BRD10: variants seen among roughly 807,000 people sequenced by gnomAD.
The protein encoded by BRD10 is uncharacterized bromodomain-containing protein 10.
the BRD10 span, among the ~76,000 whole-genome samples, chr9:5,925,655 T>C: frequency 4.7e-4 from 72 of 152,272 alleles, 1 homozygote; most frequent in South Asian, 5.6e-3. Flanking sequence ...CTGGGAGTAA[T>C]TGTATCTAAA....
the BRD10 span, among the ~76,000 whole-genome samples, chr9:5,926,917 G>A: frequency 3.9e-5 from 6 of 152,058 alleles, no homozygotes; most frequent in African/African-American, 9.7e-5. Flanking sequence ...CTCTCAGTAC[G>A]TGTGGCACAT....
chr9:5,907,003 G>GT, the BRD10 span: 1 of 1,557,036 alleles, frequency 6.4e-7, no homozygotes, highest in Non-Finnish European at 8.7e-7. Flanking sequence ...CCTGTGGTAG[G>GT]TTAAGATCCT....
At chr9:5,925,947 T>G in the BRD10 span, among the ~76,000 whole-genome samples, 1 of 152,192 alleles carries the variant, frequency 6.6e-6, no homozygotes, top group Non-Finnish European at 1.5e-5. Flanking sequence ...CTCCTTCGTC[T>G]TGCTCTGTCA....
At chr9:5,976,775 A>C in the BRD10 span, among the ~76,000 whole-genome samples, 1 of 137,560 alleles carries the variant, frequency 7.3e-6, no homozygotes, top group African/African-American at 2.8e-5. Flanking sequence ...AAAGGACAGC[A>C]AAAAAAAAAA....
the BRD10 span, among the ~76,000 whole-genome samples, chr9:5,952,412 A>T: frequency 2.8e-4 from 43 of 152,354 alleles, no homozygotes; most frequent in African/African-American, 7.5e-4. Flanking sequence ...TTGTGTACAC[A>T]CATACAATTG....
the BRD10 span, among the ~76,000 whole-genome samples, chr9:5,946,577 A>G: frequency 6.6e-6 from 1 of 152,106 alleles, no homozygotes; most frequent in Non-Finnish European, 1.5e-5. Context: ...TAAACTTTTC[A>G]TAGTATAATC....
At chr9:5,909,809 G>A in the BRD10 span, 1 of 152,172 alleles carries the variant, frequency 6.6e-6, no homozygotes, top group South Asian at 2.1e-4. Flanking sequence ...AATCATAAAG[G>A]ATCAGAGATT....
At chr9:5,951,402 G>A in the BRD10 span, among the ~76,000 whole-genome samples, 3 of 151,368 alleles carry the variant, frequency 2.0e-5, no homozygotes, top group Non-Finnish European at 1.5e-5. Context: ...ATTTAAAGAA[G>A]ACTGGTCCTT....
chr9:5,983,546 G>C, the BRD10 span, among the ~76,000 whole-genome samples: 1 of 152,022 alleles, frequency 6.6e-6, no homozygotes, highest in South Asian at 2.1e-4. Context: ...AAGATAATGA[G>C]AGAAATGAAG....
chr9:5,920,107 A>G, the BRD10 span: 12 of 1,613,804 alleles, frequency 7.4e-6, no homozygotes, highest in African/African-American at 1.3e-5. Flanking sequence ...TAAATTTTGT[A>G]GGGCTTCTTA....
At chr9:5,899,476 C>T in the BRD10 span, among the ~76,000 whole-genome samples, 1 of 152,152 alleles carries the variant, frequency 6.6e-6, no homozygotes, top group African/African-American at 2.4e-5. Context: ...ACCCACCGAG[C>T]ATAGCCCTCT....
the BRD10 span, among the ~76,000 whole-genome samples, chr9:5,900,185 T>C: frequency 1.1e-4 from 16 of 152,290 alleles, no homozygotes; most frequent in Middle Eastern, 3.4e-3. Context: ...ATTCATTTAA[T>C]TGAAAAATAA....
chr9:5,906,817 C>A, the BRD10 span: 1 of 1,067,138 alleles, frequency 9.4e-7, no homozygotes. Context: ...CTTTGGCTTC[C>A]TTCTCTTTTC....
chr9:5,923,114 G>A, the BRD10 span: 7 of 1,613,958 alleles, frequency 4.3e-6, no homozygotes, highest in East Asian at 1.3e-4. Flanking sequence ...ATTCTCAACT[G>A]TTGTCTCATT....
chr9:5,958,049 C>A, the BRD10 span, among the ~76,000 whole-genome samples: 1 of 152,060 alleles, frequency 6.6e-6, no homozygotes, highest in African/African-American at 2.4e-5. Context: ...TTAAAACATA[C>A]ACAGAATTTC....
the BRD10 span, among the ~76,000 whole-genome samples, chr9:5,940,353 C>T: frequency 1.3e-5 from 2 of 152,068 alleles, no homozygotes; most frequent in Non-Finnish European, 1.5e-5. Flanking sequence ...GCCACTACAG[C>T]CTGGCTAATT....
At chr9:5,950,261 T>G in the BRD10 span, among the ~76,000 whole-genome samples, 1 of 152,226 alleles carries the variant, frequency 6.6e-6, no homozygotes, top group Non-Finnish European at 1.5e-5. Context: ...TTATGCCATT[T>G]TTAATTGATT....
chr9:5,899,661 T>TC, the BRD10 span, among the ~76,000 whole-genome samples: 1 of 152,210 alleles, frequency 6.6e-6, no homozygotes, highest in Non-Finnish European at 1.5e-5. Flanking sequence ...GCCATAGAAC[T>TC]CCATTTGTAA....
the BRD10 span, among the ~76,000 whole-genome samples, chr9:6,001,927 G>A: frequency 6.6e-6 from 1 of 152,048 alleles, no homozygotes; most frequent in Non-Finnish European, 1.5e-5. Context: ...CCAATTTGTA[G>A]GGGGAAAAAA....
Sources: allele counts gnomAD v4.1 joint callset (sites outside exome capture counted in the v4.1 genomes callset), GRCh38; gene constraint gnomAD v4.1.1; transcripts MANE v1.5; gene names NCBI Gene and HGNC (gene_info 2026-07-23, HGNC 2026-07-21).